Variants in TPRG1 observed in about 807,000 individuals in gnomAD.
TPRG1 encodes tumor protein p63-regulated gene 1 protein.
Under a neutral mutation model 29.3 loss-of-function variants are expected in TPRG1, and 29 were observed. The ratio of observed to expected loss-of-function variants is 0.99; its 90% CI spans 0.74 to 1.35. The LOEUF is 1.35. TPRG1 is among the 40% of genes most tolerant of loss of function. The pLI is 0.00. For synonymous variants in TPRG1, 130 were observed against 116.8 expected, an observed-to-expected ratio of 1.11 and a Z score of -0.73; for missense variants, 327 against 335.0, an observed-to-expected ratio of 0.98 and a Z score of 0.19.
chr3:189,055,372 C>T (rs779481701), intron 4 of TPRG1, among the ~76,000 whole-genome samples: 2 of 152,104 alleles, frequency 1.3e-5, no homozygotes, highest in African/African-American at 4.8e-5. Flanking sequence ...AGAGTAATAG[C>T]GAAGTGGAAC....
chr3:189,055,239 T>A (rs530154685), intron 4 of TPRG1, among the ~76,000 whole-genome samples: 1 of 152,308 alleles, frequency 6.6e-6, no homozygotes, highest in South Asian at 2.1e-4. Context: ...TATCTCTTAT[T>A]TCCTCTTCTT....
chr3:189,316,504 A>AC (rs1723551154), intron 5 of TPRG1, among the ~76,000 whole-genome samples: 2 of 152,140 alleles, frequency 1.3e-5, no homozygotes, highest in Non-Finnish European at 2.9e-5. Context: ...TGGTCTCTTT[A>AC]CCCAGTGTAA....
chr3:189,204,059 A>AC (rs1733934388), intron 1 of TPRG1, among the ~76,000 whole-genome samples: 1 of 151,052 alleles, frequency 6.6e-6, no homozygotes, highest in African/African-American at 2.4e-5. Context: ...AAAAAAAAAA[A>AC]AAACTGAACA....
At chr3:189,099,404 T>C (rs1307601284), upstream of TPRG1, among the ~76,000 whole-genome samples, 1 of 150,304 alleles carries the variant, frequency 6.7e-6, no homozygotes, top group Admixed American at 6.6e-5. Context: ...GGGTTGTGGG[T>C]GGGAAGGGGG....
At chr3:189,142,645 C>G (rs1724725118) in intron 3 of TPRG1, among the ~76,000 whole-genome samples, 1 of 152,204 alleles carries the variant, frequency 6.6e-6, no homozygotes, top group East Asian at 1.9e-4. Context: ...TAACTCAACC[C>G]TGCATGGTGC....
chr3:189,241,779 G>C (rs1053154558), intron 4 of TPRG1, among the ~76,000 whole-genome samples: 4 of 152,058 alleles, frequency 2.6e-5, no homozygotes, highest in Non-Finnish European at 5.9e-5. Context: ...TTATTACGGG[G>C]TTCTGCTTTT....
intron 1 of TPRG1, among the ~76,000 whole-genome samples, chr3:189,173,808 A>G (rs1278145706): frequency 6.6e-6 from 1 of 152,086 alleles, no homozygotes; most frequent in South Asian, 2.1e-4. Context: ...GACTGTAACT[A>G]GATGTCCTTT....
intron 1 of TPRG1, 55 bp from the exon 2 acceptor site, chr3:189,207,321 G>T (rs1478898751): frequency 6.3e-7 from 1 of 1,591,890 alleles, no homozygotes; most frequent in Non-Finnish European, 8.6e-7. Flanking sequence ...CCATAGCTAG[G>T]ACACAGGTAC....
chr3:189,204,220 G>T (rs1733963537), intron 1 of TPRG1, among the ~76,000 whole-genome samples: 1 of 152,174 alleles, frequency 6.6e-6, no homozygotes, highest in African/African-American at 2.4e-5. Context: ...TGTTGCAGGG[G>T]ATGATTGATC....
intron 4 of TPRG1, among the ~76,000 whole-genome samples, chr3:189,076,939 TATAGCCA>T (rs1288813399): frequency 6.6e-6 from 1 of 151,326 alleles, no homozygotes; most frequent in Non-Finnish European, 1.5e-5. Context: ...TATATATATA[TATAGCCA>T]ATAAGCACAT....
At chr3:189,242,697 T>G (rs1194886965) in intron 4 of TPRG1, among the ~76,000 whole-genome samples, 13 of 152,114 alleles carry the variant, frequency 8.5e-5, no homozygotes, top group African/African-American at 3.1e-4. Context: ...TGAGTGGAGT[T>G]ATCTTTTCAT....
intron 3 of TPRG1, among the ~76,000 whole-genome samples, chr3:189,145,359 T>TAAAAAAAAAAAACA (rs1410302919): frequency 9.3e-6 from 1 of 107,394 alleles, no homozygotes; most frequent in Non-Finnish European, 1.9e-5. Context: ...AGACTCCATC[T>TAAAAAAAAAAAACA]AAAAAAAAAA....
intron 4 of TPRG1, among the ~76,000 whole-genome samples, chr3:189,033,457 T>G (rs1404613305): frequency 6.6e-6 from 1 of 152,064 alleles, no homozygotes; most frequent in Non-Finnish European, 1.5e-5. Flanking sequence ...AATTTTTGTA[T>G]TTTTTGTAAA....
At chr3:189,186,248 A>C (rs753895309) in intron 1 of TPRG1, among the ~76,000 whole-genome samples, 4 of 152,148 alleles carry the variant, frequency 2.6e-5, no homozygotes, top group Non-Finnish European at 4.4e-5. Flanking sequence ...ATGACCCGAA[A>C]TGTTGTGATT....
chr3:189,277,946 G>T (rs1168597601), intron 4 of TPRG1, among the ~76,000 whole-genome samples: 1 of 152,172 alleles, frequency 6.6e-6, no homozygotes, highest in East Asian at 1.9e-4. Context: ...TGATTCATCA[G>T]TGCTTCTTTT....
At chr3:189,196,721 T>C (rs1732594988) in intron 1 of TPRG1, among the ~76,000 whole-genome samples, 1 of 152,192 alleles carries the variant, frequency 6.6e-6, no homozygotes, top group South Asian at 2.1e-4. Context: ...CCAAATCATA[T>C]CACACTGGTA....
chr3:189,061,846 A>G (rs1008883688), intron 4 of TPRG1, among the ~76,000 whole-genome samples: 2 of 151,870 alleles, frequency 1.3e-5, no homozygotes, highest in Non-Finnish European at 2.9e-5. Flanking sequence ...GTGGAGTGTA[A>G]ATTAGTTCAA....
intron 5 of TPRG1, among the ~76,000 whole-genome samples, chr3:189,161,473 TATTA>T (rs767123743): frequency 1.3e-5 from 2 of 149,794 alleles, no homozygotes; most frequent in Admixed American, 6.6e-5. Flanking sequence ...TCTTTTTTTT[TATTA>T]TTATTATTCT....
In TPRG1 at chr3:189,080,160, C is replaced by G. The variant is rs192797346; in HGVS notation, c.-462-46897C>G. ...GTTGAAAGTTATCTAGTTCAAACTT[C>G]TTTTAAGTTTGGACAGCGAAACAGA... is the stretch of plus-strand genomic sequence containing the variant. On this transcript the variant is annotated intron_variant, in intron 4 of 10. Coordinates refer to the TPRG1 transcript ENST00000433971. 5.7e-4 allele frequency among the ~76,000 whole-genome samples: 87 copies of G among 152,254 alleles called. 2 individuals are homozygous for G. The East Asian group carries it at 0.012, about 21-fold the overall frequency.
Sources: allele counts gnomAD v4.1 joint callset (sites outside exome capture counted in the v4.1 genomes callset), GRCh38; gene constraint gnomAD v4.1.1; transcripts MANE v1.5; gene names NCBI Gene and HGNC (gene_info 2026-07-23, HGNC 2026-07-21).